Variants in RIMS1 observed in about 807,000 individuals in gnomAD.
RIMS1 encodes the protein regulating synaptic membrane exocytosis protein 1.
In RIMS1, 83 loss-of-function variants were observed where a neutral mutation model predicts 214.1. The ratio of observed to expected loss-of-function variants is 0.39; its 90% CI spans 0.32 to 0.47. The LOEUF (loss-of-function observed/expected upper bound fraction) is 0.47, where lower values mean the gene tolerates loss of function less well. Among genes scored for constraint, RIMS1 ranks in the 20% least tolerant of loss-of-function variants. RIMS1 has a pLI of 0.99. For missense variants in RIMS1, 2,050 were observed against 2,161.8 expected (o/e 0.95, Z 1.03); for synonymous variants, 793 against 786.8 (o/e 1.01, Z -0.13).
intron 4 of RIMS1, among the ~76,000 whole-genome samples, chr6:72,102,024 C>T (rs978535698): frequency 3.3e-5 from 5 of 151,812 alleles, no homozygotes; most frequent in African/African-American, 4.8e-5. Context: ...AAAAGCCCTC[C>T]TTGAAGCCTA....
intron 4 of RIMS1, among the ~76,000 whole-genome samples, chr6:72,132,907 T>A (rs1392895487): frequency 6.6e-6 from 1 of 152,224 alleles, no homozygotes; most frequent in East Asian, 1.9e-4. Context: ...GCACATAATA[T>A]TAATACAGTG....
chr6:72,187,012 G>C (rs10943000), intron 6 of RIMS1, among the ~76,000 whole-genome samples: 26,835 of 152,128 alleles, frequency 0.18, 2,931 homozygotes, highest in Non-Finnish European at 0.23. Context: ...GCGCCTGTAG[G>C]CTACTTGAGA....
intron 8 of RIMS1, among the ~76,000 whole-genome samples, chr6:72,237,211 T>C (rs1008795023): frequency 4.3e-5 from 3 of 69,380 alleles, no homozygotes; most frequent in African/African-American, 1.8e-4. Flanking sequence ...GTCTCAAAAA[T>C]AGAAAGAGAG....
intron 29 of RIMS1, among the ~76,000 whole-genome samples, chr6:72,340,165 A>T (rs1388630155): frequency 4.8e-4 from 73 of 151,942 alleles, no homozygotes; most frequent in Non-Finnish European, 9.6e-4. Flanking sequence ...GTTTGAGTTC[A>T]TTGTAGATTC....
intron 2 of RIMS1, among the ~76,000 whole-genome samples, chr6:72,055,471 C>T (rs1183141908): frequency 6.6e-6 from 1 of 152,156 alleles, no homozygotes; most frequent in Admixed American, 6.5e-5. Context: ...AGTTTGACTT[C>T]TTCTCTTCCT....
intron 29 of RIMS1, among the ~76,000 whole-genome samples, chr6:72,376,650 G>A (rs975037922): frequency 1.2e-4 from 18 of 151,908 alleles, no homozygotes; most frequent in African/African-American, 4.1e-4. Flanking sequence ...GGGAGACTAA[G>A]GTGGAAGGAT....
rs762216770 is a variant in RIMS1, at chr6:72,255,665, C to G, written c.2771-2460C>G. Among the ~76,000 whole-genome samples the G allele has an allele frequency of 2.6e-5, 4 of 152,188 alleles. No homozygotes were observed. In the South Asian group the frequency reaches 8.3e-4, roughly 32 times the overall value. ...CCCTCATCTGAGGTGAGGAATCTAG[C>G]AACTTCAACCAGAAAATGAGAAAAA... On this transcript the variant is annotated intron_variant, in intron 16 of 33. Transcript: ENST00000521978.
At chr6:72,152,296 A>G (rs1015997998) in intron 4 of RIMS1, among the ~76,000 whole-genome samples, 2 of 152,196 alleles carry the variant, frequency 1.3e-5, no homozygotes, top group Non-Finnish European at 2.9e-5. Flanking sequence ...AACTCTTACA[A>G]CATACCTATG....
chr6:71,901,465 A>G (rs774169303), intron 1 of RIMS1, among the ~76,000 whole-genome samples: 10 of 152,172 alleles, frequency 6.6e-5, no homozygotes, highest in Non-Finnish European at 1.0e-4. Flanking sequence ...CATAAACAAC[A>G]TGGATGAATC....
intron 26 of RIMS1, among the ~76,000 whole-genome samples, chr6:72,304,701 A>G (rs545591710): frequency 6.6e-6 from 1 of 152,108 alleles, no homozygotes; most frequent in East Asian, 1.9e-4. Context: ...CTGAAGCACA[A>G]TAACTTGTAT....
At chr6:72,131,796 G>T (rs2040485353) in intron 4 of RIMS1, among the ~76,000 whole-genome samples, 1 of 152,088 alleles carries the variant, frequency 6.6e-6, no homozygotes, top group Admixed American at 6.6e-5. Flanking sequence ...GGAGACTGGG[G>T]TTTATTTCAT....
chr6:72,217,870 G>A (rs2496539), intron 6 of RIMS1, among the ~76,000 whole-genome samples: 147,853 of 152,246 alleles, frequency 0.97, 71,943 homozygotes, highest in East Asian at 1. Flanking sequence ...TCAGAGATTT[G>A]GGTGTGTGAC....
At chr6:72,177,290 C>T (rs930184979) in intron 4 of RIMS1, among the ~76,000 whole-genome samples, 1 of 152,170 alleles carries the variant, frequency 6.6e-6, no homozygotes, top group African/African-American at 2.4e-5. Context: ...CTCGCTCTAT[C>T]GTCCAGGCTG....
chr6:72,004,937 T>C (rs1382367148), intron 2 of RIMS1, among the ~76,000 whole-genome samples: 18 of 152,074 alleles, frequency 1.2e-4, no homozygotes, highest in African/African-American at 4.3e-4. Flanking sequence ...AGACATGAAG[T>C]CCTTGCCCAT....
At chr6:72,287,444 T>C (rs913325535) in intron 24 of RIMS1, among the ~76,000 whole-genome samples, 1 of 152,212 alleles carries the variant, frequency 6.6e-6, no homozygotes, top group Non-Finnish European at 1.5e-5. Context: ...TTGAGAAGTA[T>C]GTTTTACTTA....
chr6:72,053,164 TC>T (rs1283377476), intron 2 of RIMS1, among the ~76,000 whole-genome samples: 1 of 152,172 alleles, frequency 6.6e-6, no homozygotes, highest in African/African-American at 2.4e-5. Context: ...CTCTAAAGTG[TC>T]CCCAGTCCCT....
chr6:72,117,306 C>G (rs1396217053), intron 4 of RIMS1, among the ~76,000 whole-genome samples: 1 of 152,004 alleles, frequency 6.6e-6, no homozygotes, highest in Non-Finnish European at 1.5e-5. Context: ...ATAGCTCTCT[C>G]TTCTGATCAT....
intron 4 of RIMS1, among the ~76,000 whole-genome samples, chr6:72,154,186 T>C (rs1200453026): frequency 1.4e-5 from 2 of 142,598 alleles, no homozygotes; most frequent in Non-Finnish European, 3.2e-5. Flanking sequence ...AATAATTACA[T>C]GTGGAAAAAG....
chr6:72,187,644 C>A (rs1227145205), intron 6 of RIMS1, among the ~76,000 whole-genome samples: 4 of 151,816 alleles, frequency 2.6e-5, no homozygotes, highest in Non-Finnish European at 5.9e-5. Context: ...TAGGTGCGTA[C>A]CACCATACCC....
Sources: allele counts gnomAD v4.1 joint callset (sites outside exome capture counted in the v4.1 genomes callset), GRCh38; gene constraint gnomAD v4.1.1; transcripts MANE v1.5; gene names NCBI Gene and HGNC (gene_info 2026-07-23, HGNC 2026-07-21).